SPTAN1: variants seen among roughly 807,000 people sequenced by gnomAD.
SPTAN1 encodes the protein spectrin alpha, non-erythrocytic 1, also known as spectrin alpha chain, non-erythrocytic 1.
Under a neutral mutation model 331.3 loss-of-function variants are expected in SPTAN1, and 61 were observed. That is an observed-to-expected ratio of 0.18 (90% CI 0.15 to 0.23). The LOEUF is 0.23. Ranked by LOEUF, SPTAN1 falls within the 10% of genes least tolerant of loss-of-function variation. SPTAN1 has a pLI of 1.00. For synonymous variants in SPTAN1, 1,153 were observed against 1,173.9 expected (o/e 0.98, Z 0.36); for missense variants, 2,043 against 3,147.9 (o/e 0.65, Z 8.40).
chr9:128,578,088 G>A (rs778720590), intron 8 of SPTAN1, 22 bp from the exon 9 acceptor site: 142 of 1,613,930 alleles, frequency 8.8e-5, no homozygotes, highest in South Asian at 7.7e-4. Context: ...GAAACATAAT[G>A]TCTTCCTTTG....
intron 45 of SPTAN1, among the ~76,000 whole-genome samples, chr9:128,623,069 T>G (rs1858137984): frequency 6.6e-6 from 1 of 151,732 alleles, no homozygotes; most frequent in Non-Finnish European, 1.5e-5. Context: ...TATTTTTATT[T>G]TTTGAGATGG....
intron 31 of SPTAN1, 43 bp from the exon 32 acceptor site, chr9:128,607,561 C>A (rs1375448167): frequency 1.3e-6 from 2 of 1,504,550 alleles, no homozygotes; most frequent in Admixed American, 1.7e-5. Context: ...GATCTCCTTA[C>A]CAGGTAATAT....
In SPTAN1 at chr9:128,578,217, C is replaced by A; in HGVS notation, c.1193C>A (p.Ala398Asp). Residue 398 changes from alanine (A) to aspartate (D), a missense_variant, in exon 9 of 57, where the codon GCC becomes GAC. By Grantham distance (126) the Ala-to-Asp change is moderately radical. Around this residue, in one of 12 missense-constraint regions of SPTAN1, gnomAD observed 1,038 missense variants for 1,531.5 expected, o/e 0.68. Coordinates refer to ENST00000372739, the MANE Select transcript of SPTAN1 (RefSeq NM_001130438.3). ...GCCAGTGATGTGGCTGGGGCTGAAG[C>A]CCTGCTAGATAGACACCAAGAGCAC... is the stretch of plus-strand genomic sequence containing the variant. The part of the protein sequence containing the change: ...ELASDVAGAE[A>D]LLDRHQEHKG... 6.2e-7 allele frequency: 1 copy of A among 1,614,078 alleles called. No homozygotes were observed. The highest frequency in any genetic ancestry group is 8.5e-7 in the Non-Finnish European group (1 of 1,180,034).
chr9:128,586,625 A>G (rs1852673288), intron 19 of SPTAN1, among the ~76,000 whole-genome samples: 1 of 151,952 alleles, frequency 6.6e-6, no homozygotes, highest in African/African-American at 2.4e-5. Flanking sequence ...ACCAGCATAC[A>G]CATGTACATA....
chr9:128,614,588 T>C (rs1269523629), intron 40 of SPTAN1, among the ~76,000 whole-genome samples: 6 of 142,964 alleles, frequency 4.2e-5, no homozygotes, highest in African/African-American at 1.6e-4. Context: ...AGACTACGTC[T>C]CAAAAAAAAA....
Position 128,611,811 on chromosome 9 carries a change from G to A in SPTAN1, c.4871G>A (p.Arg1624His), listed in dbSNP as rs145913290. The stretch of plus-strand genomic sequence containing the variant: ...GACATGGGCAACTCCCTCATTGAAC[G>A]TGGAGCCTGTGCCGGCAGTGAGGAT... Reference protein sequence around the residue: ...VIDMGNSLIERGACAGSEDAV... With the variant: ...VIDMGNSLIEHGACAGSEDAV... The change falls in exon 38 of 57, where the codon CGT becomes CAT. Residue 1624 changes from arginine to histidine, a missense_variant. Coordinates refer to ENST00000372739, the MANE Select transcript of SPTAN1 (RefSeq NM_001130438.3). 27 of 1,614,052 alleles carry A rather than the reference G, an allele frequency of 1.7e-5. No individual in the cohort carries two copies. Among genetic ancestry groups the A allele is most frequent in the South Asian group, 1.4e-4 (13 of 91,090 alleles).
In SPTAN1 at chr9:128,618,004, C is replaced by A. The variant is rs1352540009; in HGVS notation, c.5496C>A (p.Gly1832=). 1 of 1,614,132 alleles carries A rather than the reference C, an allele frequency of 6.2e-7. No individual in the cohort carries two copies. Among genetic ancestry groups the A allele is most frequent in the Non-Finnish European group, 8.5e-7 (1 of 1,180,002 alleles). ...CCTGTCAGGGTGTCCTGGACACTGG[C>A]AAGAAGCTGTCCGATGACAACACCA... ...EPAIQGVLDT[G]KKLSDDNTIG... is the part of the protein sequence containing the mutation. The change falls in exon 43 of 57, where the codon GGC becomes GGA. Residue 1832 remains glycine, a synonymous_variant. Transcript: ENST00000372739.
intron 52 of SPTAN1, chr9:128,631,659 C>G: frequency 5.4e-6 from 1 of 186,748 alleles, no homozygotes; most frequent in East Asian, 1.5e-4. Context: ...AACATCGCCT[C>G]TACTAAAAAT....
At chr9:128,563,715 C>CTT (rs532597370) in intron 1 of SPTAN1, among the ~76,000 whole-genome samples, 15 of 133,534 alleles carry the variant, frequency 1.1e-4, no homozygotes, top group African/African-American at 1.4e-4. Context: ...TCAACCATTT[C>CTT]TTTTTTTTTT....
intron 21 of SPTAN1, among the ~76,000 whole-genome samples, chr9:128,589,512 G>A (rs1042988584): frequency 2.0e-5 from 3 of 148,582 alleles, no homozygotes; most frequent in East Asian, 4.0e-4. Flanking sequence ...TCCTGACCTC[G>A]TGATCCACCC....
intron 38 of SPTAN1, 64 bp downstream of exon 38, chr9:128,611,909 T>C (rs1229116245): frequency 2.5e-6 from 4 of 1,612,194 alleles, no homozygotes; most frequent in Admixed American, 1.7e-5. Context: ...CAACCTGATA[T>C]AATAACTTGG....
chr9:128,633,015 G>A, intron 56 of SPTAN1, 60 bp downstream of exon 56: 1 of 1,604,238 alleles, frequency 6.2e-7, no homozygotes, highest in Non-Finnish European at 8.5e-7. Flanking sequence ...CCAAATTTGT[G>A]GCAGAGCTGA....
intron 21 of SPTAN1, 130 bp downstream of exon 21, chr9:128,589,073 C>T (rs894300815): frequency 2.3e-6 from 3 of 1,309,134 alleles, no homozygotes; most frequent in Non-Finnish European, 3.2e-6. Flanking sequence ...AGTTTCCTCA[C>T]CAATCCCCCA....
rs749747503 is a variant in SPTAN1, at chr9:128,576,921, G to A, written c.750G>A (p.Lys250=). The change falls in exon 6 of 57, where the codon AAG becomes AAA. Residue 250 remains lysine (K), a synonymous_variant. Transcript: ENST00000372739. ...GCCTGGCTCTGCAGAGGCAGGGGAAGCTCTTTGGGGCAGCAGAAGTTCAGC... is the reference window on the plus strand; with the variant it reads ...GCCTGGCTCTGCAGAGGCAGGGGAAACTCTTTGGGGCAGCAGAAGTTCAGC... ...LKGLALQRQG[K]LFGAAEVQRF... 2 of 1,614,056 alleles carry A rather than the reference G, an allele frequency of 1.2e-6. No homozygotes were observed. Among genetic ancestry groups the A allele is most frequent in the African/African-American group, 2.7e-5 (2 of 74,948 alleles).
chr9:128,633,024 G>T, intron 56 of SPTAN1, 69 bp downstream of exon 56: 1 of 1,602,880 alleles, frequency 6.2e-7, no homozygotes, highest in Admixed American at 1.7e-5. Flanking sequence ...TGGCAGAGCT[G>T]AGTCTGGGGT....
chr9:128,577,288 C>T lies in SPTAN1; in HGVS notation c.930+15C>T, dbSNP rs1225427153. 6.2e-7 allele frequency: 1 copy of T among 1,614,094 alleles called. No individual in the cohort carries two copies. Among genetic ancestry groups the T allele is most frequent in the Non-Finnish European group, 8.5e-7 (1 of 1,180,050 alleles). Reference sequence around the variant, plus strand: ...TAGAAGACAAGGTGGGTTTTACAAGCAGCTGATTCTGTAAATAAGTTACCA... The same window carrying T: ...TAGAAGACAAGGTGGGTTTTACAAGTAGCTGATTCTGTAAATAAGTTACCA... On this transcript the variant is annotated intron_variant, in intron 7 of 56. Coordinates refer to ENST00000372739, the MANE Select transcript of SPTAN1 (RefSeq NM_001130438.3). This position sits in a 1 kb window ranked among gnomAD's most constrained non-coding sequence, Gnocchi z 4.2.
rs143734990 is a variant in SPTAN1, at chr9:128,599,540, C to T, written c.3544-540C>T. 7.5e-3 allele frequency: 1,300 copies of T among 174,466 alleles called. 28 individuals carry two copies. The highest frequency in any genetic ancestry group is 4.4e-3 in the Non-Finnish European group (371 of 83,400). 10.8% of individuals were successfully genotyped at this position (174,466 alleles called of 1,614,324 possible). On this transcript the variant is annotated intron_variant, in intron 26 of 56. Transcript: ENST00000372739. ...TTGTTTTTTAAGAGATAGGGTCTTG[C>T]TTTGTTGCCCAGACTGGAGGTCAGT...
intron 43 of SPTAN1, among the ~76,000 whole-genome samples, chr9:128,618,520 G>A (rs1857458598): frequency 6.6e-6 from 1 of 151,982 alleles, no homozygotes; most frequent in African/African-American, 2.4e-5. Context: ...GGGTCTTGCT[G>A]TCACCCAGGC....
Position 128,629,530 on chromosome 9 carries a change from G to C in SPTAN1, c.6708-791G>C, listed in dbSNP as rs1859336093. On this transcript the variant is annotated intron_variant, in intron 51 of 56. Transcript: ENST00000372739. This position sits in a 1 kb window ranked among gnomAD's most constrained non-coding sequence, Gnocchi z 4.9. The stretch of plus-strand genomic sequence containing the variant: ...GTGAATGTGGGTACAGGGGAGCCTG[G>C]GCTAAAACCCCACCAAGGCCACACG... 4.3e-6 allele frequency: 1 copy of C among 233,122 alleles called. No homozygotes were observed. The highest frequency in any genetic ancestry group is 2.2e-5 in the African/African-American group (1 of 44,586). The allele number at this position is 233,122 out of a possible 1,614,324, so 14.4% of individuals were successfully genotyped here. A position where few individuals can be genotyped will look rare whatever the true frequency, so the allele number is the denominator to read the frequency against.
Sources: allele counts gnomAD v4.1 joint callset (sites outside exome capture counted in the v4.1 genomes callset), GRCh38; gene constraint gnomAD v4.1.1; regional missense constraint gnomAD v4.1.1; non-coding constraint Gnocchi (gnomAD v3.1); transcripts MANE v1.5; gene names NCBI Gene and HGNC (gene_info 2026-07-23, HGNC 2026-07-21).